HTR5A: variants seen among roughly 807,000 people sequenced by gnomAD.
The protein encoded by HTR5A is 5-hydroxytryptamine receptor 5A.
A neutral mutation model predicts 24.3 loss-of-function variants in HTR5A; 21 were observed. That is an observed-to-expected ratio of 0.86 (90% CI 0.61 to 1.24). The LOEUF (loss-of-function observed/expected upper bound fraction) is 1.24. HTR5A is among the 50% of genes most tolerant of loss of function. The pLI, the probability that HTR5A is intolerant of heterozygous loss-of-function variation, is 0.00. For missense variants in HTR5A, 497 were observed against 489.5 expected (o/e 1.02, Z -0.15); for synonymous variants, 260 against 213.7 (o/e 1.22, Z -1.89).
rs767845479 is a variant in HTR5A, at chr7:155,071,169, C to T, written c.270C>T (p.Ala90=). Reference sequence around the variant, plus strand: ...TGGCCGTCTCGGATGTCCTGGTGGCCGCGCTGGTCATGCCGCTGAGCCTGG... The same window carrying T: ...TGGCCGTCTCGGATGTCCTGGTGGCTGCGCTGGTCATGCCGCTGAGCCTGG... ...ASMAVSDVLV[A]ALVMPLSLVH... is the part of the protein sequence containing the mutation. Residue 90 remains alanine (A), a synonymous_variant, in exon 1 of 2, where the codon GCC becomes GCT. Transcript: ENST00000287907. The T allele has an allele frequency of 1.9e-6, 3 of 1,602,966 alleles. No individual in the cohort carries two copies. Among genetic ancestry groups the T allele is most frequent in the Non-Finnish European group, 2.5e-6 (3 of 1,179,870 alleles).
rs990870904 is a variant in HTR5A at position 155,084,517 on chromosome 7, T to C, written c.*30T>C. 4 of 1,534,900 alleles carry C rather than the reference T, an allele frequency of 2.6e-6. No individual in the cohort carries two copies. The highest frequency in any genetic ancestry group is 2.7e-6 in the Non-Finnish European group (3 of 1,128,362). On this transcript the variant is annotated 3_prime_UTR_variant, in exon 2 of 2. Transcript: ENST00000287907. ...GAGGACCAGGATTGAAAAAAGTTTC[T>C]TCCCATAATTCAGTGGAATTCCCAG...
chr7:155,080,396 A>G (rs779706922), intron 1 of HTR5A, among the ~76,000 whole-genome samples: 6 of 152,220 alleles, frequency 3.9e-5, no homozygotes, highest in Non-Finnish European at 8.8e-5. Context: ...GAGCAATAAG[A>G]GCCCAGTGAA....
intron 1 of HTR5A, 84 bp from the exon 2 acceptor site, chr7:155,084,071 G>A (rs1795447590): frequency 2.6e-6 from 3 of 1,135,988 alleles, no homozygotes; most frequent in Non-Finnish European, 3.7e-6. Flanking sequence ...TGGATGTGCG[G>A]AATCCAGGCC....
At position 155,073,881 on chromosome 7, in the gene HTR5A, ATATATATG is replaced by A. The variant is rs368999206; in HGVS notation, c.741+2249_741+2256del. Among the ~76,000 whole-genome samples, 19 of 7,154 alleles carry A rather than the reference ATATATATG, an allele frequency of 2.7e-3. 3 individuals are homozygous for A. The Non-Finnish European group carries it at 0.062, about 23-fold the overall frequency. 4.7% of individuals were successfully genotyped at this position (7,154 alleles called of 152,430 possible). On this transcript the variant is annotated intron_variant, in intron 1 of 1. Coordinates refer to ENST00000287907, the MANE Select transcript of HTR5A (RefSeq NM_024012.4). The stretch of plus-strand genomic sequence containing the variant: ...TGTGTGTGTGTATATATATATGTAT[ATATATATG>A]TATATATATATATATATATATATAT...
In HTR5A at chr7:155,084,362, G is replaced by T. The variant is rs754315935; in HGVS notation, c.949G>T (p.Ala317Ser). 6 of 1,613,992 alleles carry T rather than the reference G, an allele frequency of 3.7e-6. No individual in the cohort carries two copies. The highest frequency in any genetic ancestry group is 1.3e-5 in the African/African-American group (1 of 74,980). ...ISPLCSCDIP[A>S]IWKSIFLWLG... ...TCCCCTCTGCTCCTGTGACATCCCC[G>T]CCATCTGGAAAAGCATCTTCCTGTG... The change falls in exon 2 of 2, where the codon GCC becomes TCC. Residue 317 changes from alanine (A) to serine (S), a missense_variant. Transcript: ENST00000287907.
rs78566329 is a variant in HTR5A, at chr7:155,070,535, T to A, written c.-365T>A. The A allele has an allele frequency of 5.4e-3, 1,951 of 363,512 alleles. 37 individuals are homozygous for A. The highest frequency in any genetic ancestry group is 0.037 in the African/African-American group (1,753 of 47,510). The allele number at this position is 363,512 out of a possible 1,614,324, so 22.5% of individuals were successfully genotyped here. On this transcript the variant is annotated 5_prime_UTR_variant, in exon 1 of 2. Coordinates refer to ENST00000287907, the MANE Select transcript of HTR5A (RefSeq NM_024012.4). ...CAGCCCCTCTCCTGCACCCACACGC[T>A]GCTGGCCGCCCAGCTTCTCCCCGAT...
intron 1 of HTR5A, among the ~76,000 whole-genome samples, chr7:155,079,436 A>T (rs971058590): frequency 1.3e-5 from 2 of 152,226 alleles, no homozygotes; most frequent in Non-Finnish European, 2.9e-5. Context: ...CAAAGAGGAT[A>T]GGTTTGGGAA....
intron 1 of HTR5A, among the ~76,000 whole-genome samples, chr7:155,076,645 C>T (rs1277053039): frequency 6.6e-6 from 1 of 152,130 alleles, no homozygotes; most frequent in Admixed American, 6.6e-5. Flanking sequence ...ATGGGATTCC[C>T]CTTCCTTGTC....
intron 1 of HTR5A, among the ~76,000 whole-genome samples, chr7:155,073,459 C>T (rs1334993016): frequency 6.6e-6 from 1 of 151,940 alleles, no homozygotes; most frequent in African/African-American, 2.4e-5. Context: ...GTCAATCGTA[C>T]TGAATTTGGG....
At chr7:155,076,505 T>C (rs934051144) in intron 1 of HTR5A, among the ~76,000 whole-genome samples, 3 of 152,224 alleles carry the variant, frequency 2.0e-5, no homozygotes, top group Non-Finnish European at 4.4e-5. Context: ...CTACTTATTA[T>C]ATATCAAACA....
intron 1 of HTR5A, among the ~76,000 whole-genome samples, chr7:155,078,411 C>T (rs1242164703): frequency 1.3e-5 from 2 of 152,126 alleles, no homozygotes; most frequent in East Asian, 3.9e-4. Context: ...TTTCTGAAGT[C>T]TATTTTCTAT....
At chr7:155,078,186 G>C (rs1018531541) in intron 1 of HTR5A, among the ~76,000 whole-genome samples, 2 of 152,094 alleles carry the variant, frequency 1.3e-5, no homozygotes, top group African/African-American at 4.8e-5. Context: ...GCCTTATCTA[G>C]AAAGCCATAT....
At position 155,070,709 on chromosome 7, in the gene HTR5A, C is replaced by T. The variant is rs1288880259; in HGVS notation, c.-191C>T. 4 of 644,910 alleles carry T rather than the reference C, an allele frequency of 6.2e-6. No individual in the cohort carries two copies. The highest frequency in any genetic ancestry group is 1.8e-5 in the African/African-American group (1 of 55,114). 39.9% of individuals were successfully genotyped at this position (644,910 alleles called of 1,614,324 possible). A position where few individuals can be genotyped will look rare whatever the true frequency, so the allele number is the denominator to read the frequency against. On this transcript the variant is annotated 5_prime_UTR_variant, in exon 1 of 2. Transcript: ENST00000287907. Reference sequence around the variant, plus strand: ...CTCTGAGGGCTTCAGACCTGCCGCGCTTGCAGCCACACCATCTCCAACGGA... The same window carrying T: ...CTCTGAGGGCTTCAGACCTGCCGCGTTTGCAGCCACACCATCTCCAACGGA...
Position 155,071,055 on chromosome 7 carries a change from G to A in HTR5A, c.156G>A (p.Ala52=), listed in dbSNP as rs756256661. The A allele has an allele frequency of 3.7e-6, 6 of 1,610,010 alleles. No individual in the cohort carries two copies. The East Asian group carries it at 8.9e-5, about 24-fold the overall frequency. Residue 52 remains alanine (A), a synonymous_variant, in exon 1 of 2, where the codon GCG becomes GCA. Transcript: ENST00000287907. ...LILTLLGFLV[A]ATFAWNLLVL... is the part of the protein sequence containing the mutation. ...TCACCTTGCTGGGCTTTCTGGTGGCGGCGACGTTCGCCTGGAACCTGCTGG... is the reference window on the plus strand; with the variant it reads ...TCACCTTGCTGGGCTTTCTGGTGGCAGCGACGTTCGCCTGGAACCTGCTGG...
chr7:155,086,709 T>C lies in HTR5A; in HGVS notation c.*2222T>C, dbSNP rs962875472. On this transcript the variant is annotated 3_prime_UTR_variant, in exon 2 of 2. Coordinates refer to ENST00000287907, the MANE Select transcript of HTR5A (RefSeq NM_024012.4). Reference sequence around the variant, plus strand: ...CAATTAATGAATTATTTTGCTTCCATTTCAATAGTAAAAGTTGTTTATACC... The same window carrying C: ...CAATTAATGAATTATTTTGCTTCCACTTCAATAGTAAAAGTTGTTTATACC... 1.3e-5 allele frequency among the ~76,000 whole-genome samples: 2 copies of C among 152,208 alleles called. No homozygotes were observed. Among genetic ancestry groups the C allele is most frequent in the African/African-American group, 2.4e-5 (1 of 41,458 alleles).
In HTR5A at chr7:155,071,614, G is replaced by T. The variant is rs1326889971; in HGVS notation, c.715G>T (p.Val239Phe). Reference protein sequence around the residue: ...FRVGSRKTNSVSPISEAVEVK... With the variant: ...FRVGSRKTNSFSPISEAVEVK... Reference sequence around the variant, plus strand: ...CGTGGGCTCCAGGAAGACCAATAGCGTCTCACCCATATCCGAAGCTGTGGA... The same window carrying T: ...CGTGGGCTCCAGGAAGACCAATAGCTTCTCACCCATATCCGAAGCTGTGGA... Residue 239 changes from valine (V) to phenylalanine (F), a missense_variant, in exon 1 of 2, where the codon GTC becomes TTC. Transcript: ENST00000287907. 1 of 1,614,080 alleles carries T rather than the reference G, an allele frequency of 6.2e-7. No homozygotes were observed. Among genetic ancestry groups the T allele is most frequent in the Non-Finnish European group, 8.5e-7 (1 of 1,179,998 alleles).
In HTR5A at chr7:155,086,055, T is replaced by A. The variant is rs970379637; in HGVS notation, c.*1568T>A. Among the ~76,000 whole-genome samples the A allele has an allele frequency of 2.0e-5, 3 of 152,226 alleles. No individual in the cohort carries two copies. Among genetic ancestry groups the A allele is most frequent in the African/African-American group, 4.8e-5 (2 of 41,472 alleles). ...AGATTTTTCATCTGTATATATCACT[T>A]GAAGTGCTAAACCCACAAGTATTTA... On this transcript the variant is annotated 3_prime_UTR_variant, in exon 2 of 2. Coordinates refer to ENST00000287907, the MANE Select transcript of HTR5A (RefSeq NM_024012.4).
rs6320 is a variant in HTR5A, at chr7:155,070,911, T to A, written c.12T>A (p.Pro4=). The A allele has an allele frequency of 0.28, 451,719 of 1,600,956 alleles. 65,314 individuals are homozygous for A. The highest frequency in any genetic ancestry group is 0.39 in the East Asian group (17,354 of 44,806). The change falls in exon 1 of 2, where the codon CCT becomes CCA. Residue 4 remains proline (P), a synonymous_variant. Coordinates refer to ENST00000287907, the MANE Select transcript of HTR5A (RefSeq NM_024012.4). MDL[P]VNLTSFSLST... ...CTCCTGACCCAGAGATGGATTTACCTGTGAACCTAACCTCCTTTTCCCTCT... is the reference window on the plus strand; with the variant it reads ...CTCCTGACCCAGAGATGGATTTACCAGTGAACCTAACCTCCTTTTCCCTCT...
Position 155,071,432 on chromosome 7 carries a change from T to G in HTR5A, c.533T>G (p.Leu178Arg). The change falls in exon 1 of 2, where the codon CTT becomes CGT. Residue 178 changes from leucine to arginine, a missense_variant. Leu to Arg is a moderately radical substitution (Grantham distance 102). Transcript: ENST00000287907. ...LSAVISLAPLLFGWGETYSEG... is the reference protein window; with the variant it reads ...LSAVISLAPLRFGWGETYSEG... ...GCTGTCATCTCTCTGGCCCCGCTGC[T>G]TTTTGGCTGGGGAGAGACGTACTCT... The G allele has an allele frequency of 6.2e-7, 1 of 1,614,168 alleles. No homozygotes were observed.
Sources: gnomAD v4.1 joint callset for allele counts (sites outside exome capture counted in the v4.1 genomes callset) on GRCh38, gnomAD v4.1.1 for gene constraint, MANE v1.5 for transcripts, NCBI Gene and HGNC (gene_info 2026-07-23, HGNC 2026-07-21) for gene names.